ATF6: variants seen among roughly 807,000 people sequenced by gnomAD.
The protein encoded by ATF6 is cyclic AMP-dependent transcription factor ATF-6 alpha.
Under a neutral mutation model 83.6 loss-of-function variants are expected in ATF6, and 53 were observed. That is an observed-to-expected ratio of 0.63 (90% CI 0.51 to 0.80). The LOEUF is 0.80. ATF6 is among the 30% of genes least tolerant of loss of function. The pLI, the probability that ATF6 is intolerant of heterozygous loss-of-function variation, is 0.00. For missense variants in ATF6, 744 were observed against 797.9 expected, an observed-to-expected ratio of 0.93 and a Z score of 0.81; for synonymous variants, 288 against 285.8, an observed-to-expected ratio of 1.01 and a Z score of -0.08.
chr1:161,898,245 C>A (rs1387153353), intron 14 of ATF6, among the ~76,000 whole-genome samples: 1 of 152,138 alleles, frequency 6.6e-6, no homozygotes, highest in Non-Finnish European at 1.5e-5. Flanking sequence ...ATATCATATC[C>A]AGGCTTTTGG....
intron 1 of ATF6, among the ~76,000 whole-genome samples, chr1:161,773,663 T>G (rs2101717293): frequency 6.6e-6 from 1 of 152,186 alleles, no homozygotes; most frequent in South Asian, 2.1e-4. Context: ...AATGAATAAA[T>G]AAATGGGCAA....
chr1:161,810,389 T>C (rs1183398052), intron 7 of ATF6, among the ~76,000 whole-genome samples: 1 of 152,100 alleles, frequency 6.6e-6, no homozygotes, highest in African/African-American at 2.4e-5. Flanking sequence ...GAACTTACTA[T>C]CATGAGAACA....
intron 14 of ATF6, among the ~76,000 whole-genome samples, chr1:161,877,029 T>C (rs1234544622): frequency 1.3e-5 from 2 of 152,210 alleles, no homozygotes; most frequent in East Asian, 3.9e-4. Context: ...TTCTTCTTTG[T>C]TGTATTTAGA....
rs1323277660 is a variant in ATF6, at chr1:161,912,301, C to T, written c.1725C>T (p.His575=). 1 of 1,602,358 alleles carries T rather than the reference C, an allele frequency of 6.2e-7. No homozygotes were observed. The highest frequency in any genetic ancestry group is 8.5e-7 in the Non-Finnish European group (1 of 1,174,600). The part of the protein sequence containing the change: ...TFYVVSFRRD[H]LLLPATTHNK... ...TTGTTCTTTGTTAATTTTAGGATCA[C>T]CTGCTGTTACCAGCTACCACCCATA... The change falls in exon 15 of 16, where the codon CAC becomes CAT. Residue 575 remains histidine (H), a synonymous_variant. Transcript: ENST00000367942.
chr1:161,901,350 A>C (rs1028935539), intron 14 of ATF6, among the ~76,000 whole-genome samples: 13 of 152,038 alleles, frequency 8.6e-5, no homozygotes, highest in Non-Finnish European at 1.5e-4. Context: ...GGCCAATAGC[A>C]CATAAAAATG....
intron 15 of ATF6, among the ~76,000 whole-genome samples, chr1:161,919,982 G>A (rs1471142952): frequency 6.6e-6 from 1 of 152,124 alleles, no homozygotes; most frequent in African/African-American, 2.4e-5. Flanking sequence ...TGCTTTTGAT[G>A]ATCACAGTTT....
intron 15 of ATF6, among the ~76,000 whole-genome samples, chr1:161,933,227 G>A (rs1254207513): frequency 1.3e-5 from 2 of 152,110 alleles, no homozygotes; most frequent in African/African-American, 4.8e-5. Context: ...CAAAAGTCAT[G>A]GTGTTTTTAT....
At chr1:161,798,337 G>A (rs1297203080) in intron 6 of ATF6, among the ~76,000 whole-genome samples, 2 of 152,154 alleles carry the variant, frequency 1.3e-5, no homozygotes, top group African/African-American at 2.4e-5. Flanking sequence ...AAAGAGGCTG[G>A]GCGTGGTGGT....
chr1:161,769,726 A>G (rs1459736933), intron 1 of ATF6, among the ~76,000 whole-genome samples: 1 of 151,938 alleles, frequency 6.6e-6, no homozygotes, highest in Non-Finnish European at 1.5e-5. Context: ...CAGTGATTAG[A>G]TCATCAGGCG....
At chr1:161,875,555 G>T (rs572192318) in intron 14 of ATF6, among the ~76,000 whole-genome samples, 1 of 151,892 alleles carries the variant, frequency 6.6e-6, no homozygotes, top group Admixed American at 6.6e-5. Flanking sequence ...GCAGATAGAA[G>T]TTTTCCAAAA....
At chr1:161,810,166 G>A (rs1685420700) in intron 7 of ATF6, among the ~76,000 whole-genome samples, 1 of 152,124 alleles carries the variant, frequency 6.6e-6, no homozygotes, top group African/African-American at 2.4e-5. Flanking sequence ...CTTCTATAAA[G>A]AAATACCTGA....
chr1:161,802,050 A>G lies in ATF6; in HGVS notation c.689-2A>G. On this transcript the variant is annotated splice_acceptor_variant, in intron 6 of 15. Coordinates refer to ENST00000367942, the MANE Select transcript of ATF6 (RefSeq NM_007348.4). LOFTEE classifies it high-confidence loss of function. ...TGATTCCTTTTCTTTTTTCTAACGC[A>G]GGCCAGACGGTTTTGCTGTCTCAGC... 1.9e-6 allele frequency: 3 copies of G among 1,613,938 alleles called. No individual in the cohort carries two copies. The highest frequency in any genetic ancestry group is 2.5e-6 in the Non-Finnish European group (3 of 1,179,922).
chr1:161,903,980 G>T (rs1687839286), intron 14 of ATF6, among the ~76,000 whole-genome samples: 3 of 152,112 alleles, frequency 2.0e-5, no homozygotes, highest in Admixed American at 6.5e-5. Context: ...AGGAATGTGG[G>T]TATTTATATT....
At chr1:161,917,515 G>A (rs554870088) in intron 15 of ATF6, among the ~76,000 whole-genome samples, 2 of 152,124 alleles carry the variant, frequency 1.3e-5, no homozygotes, top group East Asian at 3.9e-4. Flanking sequence ...CCACCTCCCG[G>A]GTTCACACCA....
In ATF6 at chr1:161,775,845, T is replaced by G. The variant is rs113349606; in HGVS notation, c.83-2399T>G. On this transcript the variant is annotated intron_variant, in intron 1 of 15. Transcript: ENST00000367942. ...ATTTTCATTGCTACTGGGATGTCATTGCTTCTAGGACCTCTTAGCAGACAG... is the reference window on the plus strand; with the variant it reads ...ATTTTCATTGCTACTGGGATGTCATGGCTTCTAGGACCTCTTAGCAGACAG... Among the ~76,000 whole-genome samples, 394 of 152,246 alleles carry G rather than the reference T, an allele frequency of 2.6e-3. 3 individuals carry two copies. The highest frequency in any genetic ancestry group is 8.8e-3 in the African/African-American group (366 of 41,528).
Position 161,961,491 on chromosome 1 carries a change from C to G in ATF6, c.*2837C>G, listed in dbSNP as rs1269753156. The G allele has an allele frequency of 6.6e-6, 1 of 151,960 alleles. No individual in the cohort carries two copies. Among genetic ancestry groups the G allele is most frequent in the African/African-American group, 2.4e-5 (1 of 41,332 alleles). 9.4% of individuals were successfully genotyped at this position (151,960 alleles called of 1,614,324 possible). On this transcript the variant is annotated 3_prime_UTR_variant, in exon 16 of 16. Coordinates refer to ENST00000367942, the MANE Select transcript of ATF6 (RefSeq NM_007348.4). ...TTGCTGGCAAAGCTATAATTAATCC[C>G]TAGGCACAATTGTAGTTTTTATTTT...
At chr1:161,951,706 G>A (rs1253988654) in intron 15 of ATF6, among the ~76,000 whole-genome samples, 1 of 152,168 alleles carries the variant, frequency 6.6e-6, no homozygotes, top group Non-Finnish European at 1.5e-5. Flanking sequence ...CATAGGAGAA[G>A]ACCTGAGGAA....
chr1:161,774,260 A>G (rs1684464336), intron 1 of ATF6, among the ~76,000 whole-genome samples: 1 of 152,116 alleles, frequency 6.6e-6, no homozygotes, highest in Non-Finnish European at 1.5e-5. Context: ...TTGTTTTTAT[A>G]GGCTCACTTC....
rs1689085068 is a variant in ATF6, at chr1:161,960,908, T to C, written c.*2254T>C. 6.6e-6 allele frequency: 1 copy of C among 152,222 alleles called. No individual in the cohort carries two copies. The highest frequency in any genetic ancestry group is 2.4e-5 in the African/African-American group (1 of 41,454). The allele number at this position is 152,222 out of a possible 1,614,324, so 9.4% of individuals were successfully genotyped here. ...CCATGGCTAGTAGACAGTGGCAACA[T>C]AGTCATCCCCAAGATGCTAATCTTC... On this transcript the variant is annotated 3_prime_UTR_variant, in exon 16 of 16. Coordinates refer to ENST00000367942, the MANE Select transcript of ATF6 (RefSeq NM_007348.4).
Sources: gnomAD v4.1 joint callset for allele counts (sites outside exome capture counted in the v4.1 genomes callset) on GRCh38, gnomAD v4.1.1 for gene constraint, MANE v1.5 for transcripts, NCBI Gene and HGNC (gene_info 2026-07-23, HGNC 2026-07-21) for gene names.